Variants in ZNF496 observed in about 807,000 individuals in gnomAD.
ZNF496 encodes zinc finger protein 496.
A neutral mutation model predicts 58.9 loss-of-function variants in ZNF496; 11 were observed. The ratio of observed to expected loss-of-function variants is 0.19; its 90% CI spans 0.12 to 0.31. The LOEUF is 0.31. Among genes scored for constraint, ZNF496 ranks in the 10% least tolerant of loss-of-function variants. ZNF496 has a pLI of 1.00. For synonymous variants in ZNF496, 338 were observed against 318.2 expected, an observed-to-expected ratio of 1.06 and a Z score of -0.66; for missense variants, 660 against 783.0, an observed-to-expected ratio of 0.84 and a Z score of 1.88.
In ZNF496 at chr1:247,329,932, G is replaced by A. The variant is rs1051961499; in HGVS notation, c.-38+34C>T. 1.3e-5 allele frequency: 3 copies of A among 230,052 alleles called. No homozygotes were observed. Among genetic ancestry groups the A allele is most frequent in the Non-Finnish European group, 1.7e-5 (2 of 120,376 alleles). 14.3% of individuals were successfully genotyped at this position (230,052 alleles called of 1,614,324 possible). Reference sequence around the variant, plus strand: ...TTGAGCATCCCAGGAAACCAACAGCGCCACATGCAGATGTAATCAAGACGC... The same window carrying A: ...TTGAGCATCCCAGGAAACCAACAGCACCACATGCAGATGTAATCAAGACGC... On this transcript the variant is annotated intron_variant, in intron 3 of 9. Transcript: ENST00000682384. This position sits in a 1 kb window ranked among gnomAD's most constrained non-coding sequence, Gnocchi z 5.5.
Position 247,299,447 on chromosome 1 carries a change from G to A in ZNF496, c.*1072C>T, listed in dbSNP as rs984019174. ...AAGGCACCAACTCTGAGGACACCCT[G>A]ATCTTGGACGTGCACCTCCCAGAAC... On this transcript the variant is annotated 3_prime_UTR_variant, in exon 10 of 10. Coordinates refer to ENST00000682384, the MANE Select transcript of ZNF496 (RefSeq NM_032752.3). 1.3e-5 allele frequency: 2 copies of A among 152,262 alleles called. No individual in the cohort carries two copies. The highest frequency in any genetic ancestry group is 2.9e-5 in the Non-Finnish European group (2 of 68,072). 9.4% of individuals were successfully genotyped at this position (152,262 alleles called of 1,614,324 possible). A position where few individuals can be genotyped will look rare whatever the true frequency, so the allele number is the denominator to read the frequency against.
At chr1:247,326,043 T>TATATATACACACACACACAC (rs751338571) in intron 5 of ZNF496, among the ~76,000 whole-genome samples, 1,358 of 56,532 alleles carry the variant, frequency 0.024, 18 homozygotes, top group African/African-American at 0.057. Context: ...CACGCATATA[T>TATATATACACACACACACAC]ATATATACAC....
intron 9 of ZNF496, among the ~76,000 whole-genome samples, chr1:247,302,233 G>A (rs544803060): frequency 1.7e-4 from 26 of 152,246 alleles, no homozygotes; most frequent in African/African-American, 3.6e-4. Flanking sequence ...ACTGTGGGGA[G>A]GAGAGCCCTG....
intron 6 of ZNF496, among the ~76,000 whole-genome samples, chr1:247,321,227 G>A (rs996949947): frequency 2.6e-5 from 4 of 152,082 alleles, no homozygotes; most frequent in Non-Finnish European, 5.9e-5. Context: ...CAACATAGAT[G>A]AACCTTGAGG....
chr1:247,329,188 C>A lies in ZNF496; in HGVS notation c.390+1G>T. On this transcript the variant is annotated splice_donor_variant, in intron 4 of 9. Coordinates refer to ENST00000682384, the MANE Select transcript of ZNF496 (RefSeq NM_032752.3). LOFTEE classifies it high-confidence loss of function. This position sits in a 1 kb window ranked among gnomAD's most constrained non-coding sequence, Gnocchi z 5.5. Reference sequence around the variant, plus strand: ...GTCCCAGCCCCACCTCTTCTACTCACCCACTGCCAGGGTCTCCCGGGCTCC... The same window carrying A: ...GTCCCAGCCCCACCTCTTCTACTCAACCACTGCCAGGGTCTCCCGGGCTCC... 6.2e-7 allele frequency: 1 copy of A among 1,613,450 alleles called. No homozygotes were observed. The highest frequency in any genetic ancestry group is 1.6e-4 in the Middle Eastern group (1 of 6,062).
rs372455291 is a variant in ZNF496, at chr1:247,305,513, G to A, written c.1006+2962C>T. Among the ~76,000 whole-genome samples the A allele has an allele frequency of 5.0e-4, 76 of 152,202 alleles. 1 individual carries two copies. Among genetic ancestry groups the A allele is most frequent in the Middle Eastern group, 6.3e-3 (2 of 316 alleles). On this transcript the variant is annotated intron_variant, in intron 9 of 9. Transcript: ENST00000682384. ...GCTGCTGCAAGTGCTTGTTGCAGGCGGAGTGGCAAAGGCATGCAGCGTGCA... is the reference window on the plus strand; with the variant it reads ...GCTGCTGCAAGTGCTTGTTGCAGGCAGAGTGGCAAAGGCATGCAGCGTGCA...
At chr1:247,301,808 T>C (rs540749554) in intron 9 of ZNF496, among the ~76,000 whole-genome samples, 10 of 152,290 alleles carry the variant, frequency 6.6e-5, no homozygotes, top group South Asian at 2.1e-4. Context: ...CGATGACCTA[T>C]TGGTTGCCAT....
In ZNF496 at chr1:247,301,201, CCA is replaced by C; in HGVS notation, c.1080_1081del (p.Asp362ArgfsTer164). ...CGGGCCATGCTGGGAGTCCTCGTCC[CCA>C]GAGCTGGAGAGAACGATCTCGATGG... is the stretch of plus-strand genomic sequence containing the variant. On this transcript the variant is annotated frameshift_variant, in exon 10 of 10. Transcript: ENST00000682384. LOFTEE classifies it high-confidence loss of function. 6.3e-7 allele frequency: 1 copy of C among 1,578,428 alleles called. No homozygotes were observed. Among genetic ancestry groups the C allele is most frequent in the South Asian group, 1.1e-5 (1 of 87,320 alleles).
In ZNF496 at chr1:247,299,094, T is replaced by A. The variant is rs928348621; in HGVS notation, c.*1425A>T. ...ACTCATCTGTAAATTAGGAATGATA[T>A]AGCATACCTCACGTTTATCTGGAGT... On this transcript the variant is annotated 3_prime_UTR_variant, in exon 10 of 10. Coordinates refer to ENST00000682384, the MANE Select transcript of ZNF496 (RefSeq NM_032752.3). The A allele has an allele frequency of 6.6e-6, 1 of 152,264 alleles. No individual in the cohort carries two copies. The highest frequency in any genetic ancestry group is 2.4e-5 in the African/African-American group (1 of 41,462). 9.4% of individuals were successfully genotyped at this position (152,264 alleles called of 1,614,324 possible).
In ZNF496 at chr1:247,329,232, G is replaced by A. The variant is rs184024831; in HGVS notation, c.347C>T (p.Ala116Val). Reference sequence around the variant, plus strand: ...GGGCTCCCGTTCCAGTGCCTCCACCGCGGCCACAGCCTGCTCTCCGCTCTC... The same window carrying A: ...GGGCTCCCGTTCCAGTGCCTCCACCACGGCCACAGCCTGCTCTCCGCTCTC... ...EPESGEQAVA[A>V]VEALEREPGR... Residue 116 changes from alanine (A) to valine (V), a missense_variant, in exon 4 of 10, where the codon GCG becomes GTG. Physicochemically the swap from Ala to Val is moderately conservative, Grantham distance 64 (BLOSUM62 0). Coordinates refer to ENST00000682384, the MANE Select transcript of ZNF496 (RefSeq NM_032752.3). The surrounding 1 kb of genome is among the most constrained non-coding windows in gnomAD (Gnocchi z 5.5). The A allele has an allele frequency of 4.0e-5, 64 of 1,613,516 alleles. No homozygotes were observed. The highest frequency in any genetic ancestry group is 4.7e-5 in the Non-Finnish European group (56 of 1,180,016).
At chr1:247,310,214 T>C (rs1028722109) in intron 7 of ZNF496, 110 bp downstream of exon 7, 2 of 1,536,180 alleles carry the variant, frequency 1.3e-6, no homozygotes, top group African/African-American at 1.4e-5. Context: ...AGAGATCTGA[T>C]GCAGGCCCCG....
chr1:247,329,499 T>C lies in ZNF496; in HGVS notation c.80A>G (p.Glu27Gly), dbSNP rs1352904726. Reference protein sequence around the residue: ...EPRKMRSPPGENPSPQGELPS... With the variant: ...EPRKMRSPPGGNPSPQGELPS... ...AAGCTCCCCCTGGGGGCTAGGGTTC[T>C]CTCCAGGTGGGCTCCTCATTTTCCT... Residue 27 changes from glutamate (E) to glycine (G), a missense_variant, in exon 4 of 10, where the codon GAG becomes GGG. Transcript: ENST00000682384. The surrounding 1 kb of genome is among the most constrained non-coding windows in gnomAD (Gnocchi z 5.5). 8 of 1,590,150 alleles carry C rather than the reference T, an allele frequency of 5.0e-6. No homozygotes were observed. The highest frequency in any genetic ancestry group is 2.7e-5 in the African/African-American group (2 of 73,158).
intron 5 of ZNF496, among the ~76,000 whole-genome samples, chr1:247,327,265 T>C (rs1017005570): frequency 6.6e-6 from 1 of 152,216 alleles, no homozygotes; most frequent in Non-Finnish European, 1.5e-5. Flanking sequence ...GGTTTCACCA[T>C]CTTGGCCAGG....
At chr1:247,323,041 G>T in intron 6 of ZNF496, 113 bp downstream of exon 6, 1 of 889,552 alleles carries the variant, frequency 1.1e-6, no homozygotes, top group Non-Finnish European at 1.8e-6. Context: ...TCTGGGCTGG[G>T]ACTGAACATC....
At chr1:247,301,341 G>A (rs1026666321) in intron 9 of ZNF496, 65 bp from the exon 10 acceptor site, 4 of 1,473,330 alleles carry the variant, frequency 2.7e-6, no homozygotes, top group South Asian at 1.5e-5. Flanking sequence ...CTATGACCGC[G>A]GCGGAGGAAC....
chr1:247,321,256 T>C (rs1183416398), intron 6 of ZNF496, among the ~76,000 whole-genome samples: 1 of 152,042 alleles, frequency 6.6e-6, no homozygotes, highest in African/African-American at 2.4e-5. Context: ...CTGAATGAAA[T>C]AAGCCAGTCA....
rs1278749035 is a variant in ZNF496, at chr1:247,321,175, C to CA, written c.651+1978_651+1979insT. ...TGGGCGACAGAGCAAGACTCCATCTCGGGGGAAAAAAAAACACGGAAGGGA... is the reference window on the plus strand; with the variant it reads ...TGGGCGACAGAGCAAGACTCCATCTCAGGGGGAAAAAAAAACACGGAAGGGA... On this transcript the variant is annotated intron_variant, in intron 6 of 9. Transcript: ENST00000682384. Among the ~76,000 whole-genome samples the CA allele has an allele frequency of 4.0e-5, 6 of 151,026 alleles. No homozygotes were observed. The South Asian group carries it at 1.3e-3, about 32-fold the overall frequency.
chr1:247,328,286 A>G (rs1660203754), intron 5 of ZNF496, among the ~76,000 whole-genome samples: 4 of 152,172 alleles, frequency 2.6e-5, no homozygotes, highest in Admixed American at 2.6e-4. Context: ...TGTTTAGCCA[A>G]GGAAACAGAG....
At chr1:247,310,598 G>A (rs1659569528) in intron 6 of ZNF496, 142 bp from the exon 7 acceptor site, 5 of 1,119,064 alleles carry the variant, frequency 4.5e-6, no homozygotes, top group Non-Finnish European at 6.2e-6. Context: ...AGTTCTGGAG[G>A]CTGGACGTCC....
Sources: allele counts gnomAD v4.1 joint callset (sites outside exome capture counted in the v4.1 genomes callset), GRCh38; gene constraint gnomAD v4.1.1; non-coding constraint Gnocchi (gnomAD v3.1); transcripts MANE v1.5; gene names NCBI Gene and HGNC (gene_info 2026-07-23, HGNC 2026-07-21).